Variants in SPATA24 observed in about 807,000 individuals in gnomAD.
The protein encoded by SPATA24 is spermatogenesis-associated protein 24.
Under a neutral mutation model 28.9 loss-of-function variants are expected in SPATA24, and 21 were observed. The observed-to-expected ratio is 0.73, with a 90% CI of 0.52 to 1.05. The LOEUF (loss-of-function observed/expected upper bound fraction) is 1.05. Ranked by LOEUF, SPATA24 falls within the 50% of genes least tolerant of loss-of-function variation. The pLI is 0.00. For missense variants in SPATA24, 215 were observed against 242.9 expected (o/e 0.88, Z 0.76); for synonymous variants, 76 against 89.9 (o/e 0.85, Z 0.88).
At chr5:139,396,472 CCACT>C, downstream of SPATA24, 1 of 1,162,316 alleles carries the variant, frequency 8.6e-7, no homozygotes, top group Non-Finnish European at 1.1e-6. Flanking sequence ...GTTCTGGAAC[CCACT>C]GTCTTTGAAG....
Position 139,403,934 on chromosome 5 carries a change from G to A in SPATA24, c.117+10C>T. On this transcript the variant is annotated intron_variant, in intron 1 of 5. Coordinates refer to ENST00000450845, the MANE Select transcript of SPATA24 (RefSeq NM_194296.2). ...GCCCCGCCTCTCCCCAAACTCCTCT[G>A]GCTGCATACCACGTTCCTCAGCTGG... 6.5e-7 allele frequency: 1 copy of A among 1,549,346 alleles called. No homozygotes were observed. The highest frequency in any genetic ancestry group is 2.0e-5 in the Admixed American group (1 of 50,978).
At position 139,402,016 on chromosome 5, in the gene SPATA24, C is replaced by T. The variant is rs541311172; in HGVS notation, c.213G>A (p.Lys71=). The T allele has an allele frequency of 1.4e-5, 22 of 1,551,468 alleles. No individual in the cohort carries two copies. The highest frequency in any genetic ancestry group is 1.9e-5 in the Non-Finnish European group (22 of 1,146,946). Residue 71 remains lysine (K), a synonymous_variant, in exon 3 of 6, where the codon AAG becomes AAA. Transcript: ENST00000450845. ...VEEKAAHAKT[K]VLLAKEEEKL... is the part of the protein sequence containing the mutation. ...TCTCCTCTTCCTTGGCCAGGAGGAC[C>T]TTGGTTTTGGCATGGGCAGCTTTCT... is the stretch of plus-strand genomic sequence containing the variant.
rs1212437871 is a variant in SPATA24 at position 139,396,866 on chromosome 5, G to GTCCAGCACCTGGGCCATGTAGCTC, written c.528_551dup (p.Glu176_Leu183dup). ...TCCCTGAGGCTTTCTTATGCTTCTG[G>GTCCAGCACCTGGGCCATGTAGCTC]TCCAGCACCTGGGCCATGTAGCTCT... On this transcript the variant is annotated inframe_insertion, in exon 6 of 6. Coordinates refer to ENST00000450845, the MANE Select transcript of SPATA24 (RefSeq NM_194296.2). 1.3e-6 allele frequency: 2 copies of GTCCAGCACCTGGGCCATGTAGCTC among 1,551,584 alleles called. No homozygotes were observed. Among genetic ancestry groups the GTCCAGCACCTGGGCCATGTAGCTC allele is most frequent in the African/African-American group, 2.7e-5 (2 of 73,040 alleles).
In SPATA24 at chr5:139,397,126, T is replaced by C; in HGVS notation, c.403A>G (p.Ile135Val). Reference protein sequence around the residue: ...TKCNEIESHIIKQEDILNGKE... With the variant: ...TKCNEIESHIVKQEDILNGKE... ...CCATTAAGTATATCTTCTTGCTTTA[T>C]AATGTGAGACTCAATCTCTGTGGGG... is the stretch of plus-strand genomic sequence containing the variant. Residue 135 changes from isoleucine (I) to valine (V), a missense_variant, in exon 5 of 6, where the codon ATA (isoleucine) becomes GTA (valine). By Grantham distance (29) the Ile-to-Val change is conservative (BLOSUM62 3). Coordinates refer to ENST00000450845, the MANE Select transcript of SPATA24 (RefSeq NM_194296.2). 6.4e-7 allele frequency: 1 copy of C among 1,552,120 alleles called. No homozygotes were observed. The highest frequency in any genetic ancestry group is 1.7e-4 in the Middle Eastern group (1 of 5,996).
At chr5:139,402,524 T>C (rs1176122685) in intron 2 of SPATA24, 104 bp downstream of exon 2, 14 of 1,061,574 alleles carry the variant, frequency 1.3e-5, no homozygotes, top group Non-Finnish European at 1.8e-5. Flanking sequence ...ACTACAGTTG[T>C]GAGCCACTGC....
downstream of SPATA24, chr5:139,393,980 G>C (rs1758645359): frequency 1.3e-6 from 2 of 1,550,498 alleles, no homozygotes; most frequent in South Asian, 2.4e-5. Context: ...CGTGCCCTCT[G>C]AACAGTTCGA....
In SPATA24 at chr5:139,398,082, C is replaced by T. The variant is rs560929672; in HGVS notation, c.386-939G>A. 4.6e-5 allele frequency among the ~76,000 whole-genome samples: 7 copies of T among 152,308 alleles called. No homozygotes were observed. In the South Asian group the frequency reaches 1.0e-3, roughly 23 times the overall value. On this transcript the variant is annotated intron_variant, in intron 4 of 5. Coordinates refer to ENST00000450845, the MANE Select transcript of SPATA24 (RefSeq NM_194296.2). ...GGGGGTTTAGGACTCAGAAAAAAGA[C>T]CTAGTTCAGTCATCCCAGTCCAAAC...
At chr5:139,393,001 G>A (rs928225780), downstream of SPATA24, 1 of 1,519,392 alleles carries the variant, frequency 6.6e-7, no homozygotes, top group Admixed American at 2.2e-5. Flanking sequence ...AGGCTCGTAG[G>A]GGTGCGGCAC....
chr5:139,392,800 C>A (rs1445759023), downstream of SPATA24: 10 of 1,490,806 alleles, frequency 6.7e-6, no homozygotes, highest in South Asian at 6.6e-5. The surrounding 1 kb of genome is among the most constrained non-coding windows in gnomAD (Gnocchi z 5.8). Context: ...CTCTACATCC[C>A]TGTTCTCTCC....
At chr5:139,398,291 C>A (rs1488210925) in intron 4 of SPATA24, among the ~76,000 whole-genome samples, 1 of 151,828 alleles carries the variant, frequency 6.6e-6, no homozygotes, top group African/African-American at 2.4e-5. Context: ...AGCCTACCCC[C>A]AAATTAATCG....
downstream of SPATA24, chr5:139,394,982 A>G: frequency 6.6e-7 from 1 of 1,510,172 alleles, no homozygotes; most frequent in Non-Finnish European, 8.8e-7. Context: ...GCCGTGTAGT[A>G]GGAGCCTGAC....
At chr5:139,397,676 T>C (rs1340332694) in intron 4 of SPATA24, among the ~76,000 whole-genome samples, 1 of 151,992 alleles carries the variant, frequency 6.6e-6, no homozygotes, top group African/African-American at 2.4e-5. Flanking sequence ...TGCCTCAGCC[T>C]CCCGAGTAGC....
At chr5:139,396,624 T>C (rs1323493424), downstream of SPATA24, 1 of 1,465,066 alleles carries the variant, frequency 6.8e-7, no homozygotes, top group Non-Finnish European at 9.0e-7. Flanking sequence ...GAAGCGGTGG[T>C]GCCTACCAGA....
At chr5:139,394,069 A>G, downstream of SPATA24, 1 of 1,550,890 alleles carries the variant, frequency 6.4e-7, no homozygotes, top group Non-Finnish European at 8.7e-7. Context: ...GCTGGAACTA[A>G]CAGGACCCAG....
At chr5:139,392,757 C>G (rs2152076553), downstream of SPATA24, 1 of 1,436,292 alleles carries the variant, frequency 7.0e-7, no homozygotes, top group Non-Finnish European at 9.2e-7. This position sits in a 1 kb window ranked among gnomAD's most constrained non-coding sequence, Gnocchi z 5.8. Flanking sequence ...GAGGGCTGGT[C>G]CGACCGTCGC....
At position 139,396,787 on chromosome 5, in the gene SPATA24, AGCG is replaced by A; in HGVS notation, c.*10_*12del. On this transcript the variant is annotated 3_prime_UTR_variant, in exon 6 of 6. Transcript: ENST00000450845. ...GGGGATTACAGCCAGAGAACAGGAA[AGCG>A]GCGGCCATTTTATTTTTCCCTGGGA... 2 of 1,551,716 alleles carry A rather than the reference AGCG, an allele frequency of 1.3e-6. No homozygotes were observed. Among genetic ancestry groups the A allele is most frequent in the Non-Finnish European group, 1.7e-6 (2 of 1,146,982 alleles).
At chr5:139,392,863 G>A (rs1320225293), downstream of SPATA24, 9 of 1,543,682 alleles carry the variant, frequency 5.8e-6, no homozygotes, top group Non-Finnish European at 7.0e-6. The surrounding 1 kb of genome is among the most constrained non-coding windows in gnomAD (Gnocchi z 5.8). Context: ...GCGACCCAAG[G>A]CCAGGGCCCC....
chr5:139,401,871 G>A (rs766906890), intron 3 of SPATA24, 44 bp downstream of exon 3: 4 of 1,548,164 alleles, frequency 2.6e-6, no homozygotes, highest in Non-Finnish European at 3.5e-6. Flanking sequence ...CTAGCAAGCA[G>A]ATGCATCCCC....
intron 1 of SPATA24, among the ~76,000 whole-genome samples, chr5:139,403,664 C>G (rs1304195133): frequency 6.6e-6 from 1 of 152,248 alleles, no homozygotes; most frequent in Non-Finnish European, 1.5e-5. Flanking sequence ...GTCATCTCCA[C>G]TGAAAATGGG....
Sources: gnomAD v4.1 joint callset for allele counts (sites outside exome capture counted in the v4.1 genomes callset) on GRCh38, gnomAD v4.1.1 for gene constraint, Gnocchi (gnomAD v3.1) non-coding constraint, MANE v1.5 for transcripts, NCBI Gene and HGNC (gene_info 2026-07-23, HGNC 2026-07-21) for gene names.